Variants in TRMT9B observed in about 807,000 individuals in gnomAD.
The protein encoded by TRMT9B is tRNA methyltransferase 9B (putative).
Under a neutral mutation model 11.5 loss-of-function variants are expected in TRMT9B, and 16 were observed. The observed-to-expected ratio is 1.39, with a 90% CI of 0.94 to 2.11. TRMT9B has a LOEUF of 2.11. Among genes scored for constraint, TRMT9B ranks in the 30% most tolerant of loss-of-function variants. The pLI is 0.00. For missense variants in TRMT9B, 941 were observed against 553.8 expected (o/e 1.70, Z -7.02); for synonymous variants, 274 against 192.4 (o/e 1.42, Z -3.51).
At chr8:13,007,835 G>A (rs1233523084) in intron 3 of TRMT9B, among the ~76,000 whole-genome samples, 1 of 152,042 alleles carries the variant, frequency 6.6e-6, no homozygotes, top group African/African-American at 2.4e-5. Context: ...TCCAAATGAA[G>A]CAAAGATTTA....
rs1268117621 is a variant in TRMT9B, at chr8:13,021,257, C to A, written c.578C>A (p.Pro193His). The part of the protein sequence containing the change: ...YPERGHPYHP[P>H]CSECSCSVCF... ...GAAAGAGGCCATCCCTACCATCCTC[C>A]TTGCTCTGAGTGTAGCTGTTCTGTT... The change falls in exon 5 of 5, where the codon CCT becomes CAT. Residue 193 changes from proline (P) to histidine (H), a missense_variant. Pro to His is a moderately conservative substitution (Grantham distance 77). Transcript: ENST00000524591. The A allele has an allele frequency of 6.2e-7, 1 of 1,614,024 alleles. No individual in the cohort carries two copies. The highest frequency in any genetic ancestry group is 1.3e-5 in the African/African-American group (1 of 75,056).
chr8:13,004,228 G>T, intron 2 of TRMT9B, among the ~76,000 whole-genome samples: 1 of 151,980 alleles, frequency 6.6e-6, no homozygotes, highest in Non-Finnish European at 1.5e-5. Flanking sequence ...GAAAGGCAGT[G>T]TAGGCCCCAA....
chr8:13,020,416 T>A (rs534813), intron 4 of TRMT9B, among the ~76,000 whole-genome samples: 102,280 of 152,242 alleles, frequency 0.67, 35,357 homozygotes, highest in East Asian at 0.76. Context: ...AAAATGATGA[T>A]GTATACATTG....
At chr8:13,017,613 G>C (rs1434694060) in intron 4 of TRMT9B, among the ~76,000 whole-genome samples, 1 of 56,126 alleles carries the variant, frequency 1.8e-5, no homozygotes, top group Non-Finnish European at 3.3e-5. Context: ...TCATTTGTAG[G>C]CTTTTTTTTT....
chr8:13,023,199 T>G lies in TRMT9B; in HGVS notation c.*1155T>G, dbSNP rs79681477. On this transcript the variant is annotated 3_prime_UTR_variant, in exon 5 of 5. Transcript: ENST00000524591. ...ATCCAAGACCAAGATTGACTAATGA[T>G]GAGTCTGCATCAAGAACTAGGCATT... 2 of 167,078 alleles carry G rather than the reference T, an allele frequency of 1.2e-5. No individual in the cohort carries two copies. Among genetic ancestry groups the G allele is most frequent in the African/African-American group, 4.8e-5 (2 of 41,424 alleles). The allele number at this position is 167,078 out of a possible 1,614,324, so 10.3% of individuals were successfully genotyped here. A position where few individuals can be genotyped will look rare whatever the true frequency, so the allele number is the denominator to read the frequency against.
chr8:12,946,708 A>G (rs1251802351), intron 1 of TRMT9B, among the ~76,000 whole-genome samples: 1 of 152,204 alleles, frequency 6.6e-6, no homozygotes, highest in Non-Finnish European at 1.5e-5. Context: ...GGGAGATTAT[A>G]TAGAGAGAAA....
chr8:13,012,207 A>C (rs1332594308), intron 3 of TRMT9B: 2 of 985,066 alleles, frequency 2.0e-6, no homozygotes, highest in East Asian at 2.3e-4. Context: ...ATCTGTAAGT[A>C]TTCGCCGAAG....
chr8:12,961,419 C>T (rs756042591), intron 1 of TRMT9B, among the ~76,000 whole-genome samples: 2 of 151,610 alleles, frequency 1.3e-5, no homozygotes, highest in African/African-American at 2.4e-5. Context: ...ACATTACCTT[C>T]GGCCGGGCGC....
At chr8:12,991,834 G>A (rs563011889) in intron 2 of TRMT9B, among the ~76,000 whole-genome samples, 1 of 152,272 alleles carries the variant, frequency 6.6e-6, no homozygotes, top group East Asian at 1.9e-4. Flanking sequence ...GGGAGGCTGG[G>A]TTAGGAGAAT....
chr8:12,952,616 G>C lies in TRMT9B; in HGVS notation c.-200+6650G>C, dbSNP rs577783887. Reference sequence around the variant, plus strand: ...TGGGGAACTGATTTTTAATTAGTAAGAGGCAAAGAACTAAGATAACTTGAA... The same window carrying C: ...TGGGGAACTGATTTTTAATTAGTAACAGGCAAAGAACTAAGATAACTTGAA... On this transcript the variant is annotated intron_variant, in intron 1 of 4. Transcript: ENST00000524591. The C allele has an allele frequency of 4.0e-4, 355 of 882,478 alleles. No homozygotes were observed. The African/African-American group carries it at 5.9e-3, about 15-fold the overall frequency. 54.7% of individuals were successfully genotyped at this position (882,478 alleles called of 1,614,324 possible). A position where few individuals can be genotyped will look rare whatever the true frequency, so the allele number is the denominator to read the frequency against.
intron 4 of TRMT9B, 104 bp downstream of exon 4, chr8:13,012,961 T>C (rs1241596390): frequency 1.7e-5 from 22 of 1,298,542 alleles, no homozygotes; most frequent in Admixed American, 1.7e-4. Flanking sequence ...AATGTCAATG[T>C]AATTTATTTT....
At chr8:12,950,154 C>G (rs1800480703) in intron 1 of TRMT9B, among the ~76,000 whole-genome samples, 1 of 152,220 alleles carries the variant, frequency 6.6e-6, no homozygotes, top group African/African-American at 2.4e-5. Flanking sequence ...TCACCTAGTC[C>G]TTAGCCAATT....
In TRMT9B at chr8:13,023,539, A is replaced by G. The variant is rs1052470086; in HGVS notation, c.*1495A>G. The G allele has an allele frequency of 2.4e-5, 4 of 167,086 alleles. No individual in the cohort carries two copies. The highest frequency in any genetic ancestry group is 9.6e-5 in the African/African-American group (4 of 41,452). The allele number at this position is 167,086 out of a possible 1,614,324, so 10.4% of individuals were successfully genotyped here. ...TTTGCCCATGGGTCTCTTTAAATCT[A>G]TGTCATGGATCCTGAGACACAAATA... On this transcript the variant is annotated 3_prime_UTR_variant, in exon 5 of 5. Coordinates refer to ENST00000524591, the MANE Select transcript of TRMT9B (RefSeq NM_020844.3).
In TRMT9B at chr8:13,023,730, A is replaced by T. The variant is rs1221976895; in HGVS notation, c.*1686A>T. ...TATTTTTTCCACTAAAAGTGACTAA[A>T]ATAATAACGAATTTCATTTGTTCTT... On this transcript the variant is annotated 3_prime_UTR_variant, in exon 5 of 5. Coordinates refer to ENST00000524591, the MANE Select transcript of TRMT9B (RefSeq NM_020844.3). The T allele has an allele frequency of 1.2e-5, 2 of 166,916 alleles. No homozygotes were observed. The highest frequency in any genetic ancestry group is 4.8e-5 in the African/African-American group (2 of 41,470). The allele number at this position is 166,916 out of a possible 1,614,324, so 10.3% of individuals were successfully genotyped here.
chr8:12,963,083 T>C (rs1488535033), intron 1 of TRMT9B, among the ~76,000 whole-genome samples: 1 of 152,068 alleles, frequency 6.6e-6, no homozygotes. Context: ...GGAGGAAAAA[T>C]TATGTTATAT....
rs149647223 is a variant in TRMT9B at position 13,003,779 on chromosome 8, G to A, written c.-1-2423G>A. Among the ~76,000 whole-genome samples, 849 of 150,772 alleles carry A rather than the reference G, an allele frequency of 5.6e-3. 3 individuals are homozygous for A. The highest frequency in any genetic ancestry group is 0.02 in the African/African-American group (812 of 41,058). On this transcript the variant is annotated intron_variant, in intron 2 of 4. Coordinates refer to ENST00000524591, the MANE Select transcript of TRMT9B (RefSeq NM_020844.3). Reference sequence around the variant, plus strand: ...TCCACTGATGGTGTGTCCCCACTCCGCCACCCTCCCCACAAGGACCAGAGT... The same window carrying A: ...TCCACTGATGGTGTGTCCCCACTCCACCACCCTCCCCACAAGGACCAGAGT...
intron 2 of TRMT9B, among the ~76,000 whole-genome samples, chr8:13,003,415 C>T (rs560282346): frequency 1.3e-5 from 2 of 152,260 alleles, no homozygotes; most frequent in South Asian, 4.1e-4. Flanking sequence ...TTGCCCTTAT[C>T]CTGCCTGGAA....
At chr8:13,014,016 A>G (rs948583171) in intron 4 of TRMT9B, among the ~76,000 whole-genome samples, 3 of 152,176 alleles carry the variant, frequency 2.0e-5, no homozygotes, top group African/African-American at 7.2e-5. Flanking sequence ...TCTTTTATAA[A>G]ATGGAGTTAT....
At chr8:12,987,338 C>T (rs953165210) in intron 1 of TRMT9B, among the ~76,000 whole-genome samples, 4 of 152,272 alleles carry the variant, frequency 2.6e-5, no homozygotes, top group African/African-American at 7.2e-5. Context: ...GACACTTCTC[C>T]ACTTATGATG....
Sources: gnomAD v4.1 joint callset for allele counts (sites outside exome capture counted in the v4.1 genomes callset) on GRCh38, gnomAD v4.1.1 for gene constraint, MANE v1.5 for transcripts, NCBI Gene and HGNC (gene_info 2026-07-23, HGNC 2026-07-21) for gene names.